CDH26: variants seen among roughly 807,000 people sequenced by gnomAD.
CDH26 encodes the protein cadherin 26.
In CDH26, 83 loss-of-function variants were observed where a neutral mutation model predicts 90.3. That is an observed-to-expected ratio of 0.92 (90% CI 0.77 to 1.10). The LOEUF is 1.10. Ranked by LOEUF, CDH26 falls within the 50% of genes least tolerant of loss-of-function variation. The pLI is 0.00. For synonymous variants in CDH26, 397 were observed against 396.3 expected (o/e 1.00, Z -0.02); for missense variants, 1,013 against 1,037.6 (o/e 0.98, Z 0.33).
At position 60,002,852 on chromosome 20, in the gene CDH26, A is replaced by G. The variant is rs766944746; in HGVS notation, c.2206A>G (p.Ile736Val). The change falls in exon 16 of 18, where the codon ATA becomes GTA. Residue 736 changes from isoleucine to valine, a missense_variant. By Grantham distance (29) the Ile-to-Val change is conservative. Coordinates refer to ENST00000348616, the MANE Select transcript of CDH26 (RefSeq NM_177980.4). ...CTTTGAGCCAAGAAGTGTGAAAAAC[A>G]TACACTCTACTCCTGTAAGTATAGA... The part of the protein sequence containing the change: ...KPFEPRSVKN[I>V]HSTPAYPDAT... 3 of 1,598,314 alleles carry G rather than the reference A, an allele frequency of 1.9e-6. No homozygotes were observed. In the East Asian group the frequency reaches 6.7e-5, roughly 36 times the overall value.
At chr20:59,991,024 C>T (rs370099169) in intron 9 of CDH26, among the ~76,000 whole-genome samples, 6 of 152,190 alleles carry the variant, frequency 3.9e-5, no homozygotes, top group African/African-American at 1.2e-4. Flanking sequence ...CACATGCTGC[C>T]ACGTCTGGCT....
At chr20:59,977,891 C>A (rs2061345737) in intron 4 of CDH26, among the ~76,000 whole-genome samples, 1 of 152,170 alleles carries the variant, frequency 6.6e-6, no homozygotes, top group Non-Finnish European at 1.5e-5. Context: ...AGTTTCACTG[C>A]TCTAAAACTC....
At chr20:59,961,992 TAATA>T (rs1418859267) in intron 1 of CDH26, among the ~76,000 whole-genome samples, 6 of 152,334 alleles carry the variant, frequency 3.9e-5, no homozygotes, top group African/African-American at 1.4e-4. Flanking sequence ...AGTTACATTT[TAATA>T]AATTGTTAGC....
At chr20:59,991,793 G>A (rs1199651420) in intron 9 of CDH26, among the ~76,000 whole-genome samples, 1 of 152,108 alleles carries the variant, frequency 6.6e-6, no homozygotes, top group Non-Finnish European at 1.5e-5. Flanking sequence ...AGCTGGGGTG[G>A]CAACCTGGCA....
In CDH26 at chr20:59,985,135, G is replaced by GCTCACGTT; in HGVS notation, c.837+9_837+10insACGTTCTC. 1 of 1,610,356 alleles carries GCTCACGTT rather than the reference G, an allele frequency of 6.2e-7. No individual in the cohort carries two copies. The highest frequency in any genetic ancestry group is 8.5e-7 in the Non-Finnish European group (1 of 1,179,508). ...CTGCATTTACCCAGGAGAACGTGAG[G>GCTCACGTT]CTCCTGGGCCGCCCCAACGTCTAAG... On this transcript the variant is annotated splice_region_variant and intron_variant, in intron 7 of 17. Coordinates refer to ENST00000348616, the MANE Select transcript of CDH26 (RefSeq NM_177980.4).
chr20:59,976,112 A>T (rs2061325679), intron 4 of CDH26, among the ~76,000 whole-genome samples: 1 of 152,180 alleles, frequency 6.6e-6, no homozygotes, highest in South Asian at 2.1e-4. Context: ...CACACAGTCT[A>T]ACCTATGCAG....
chr20:59,983,160 C>A, intron 5 of CDH26, 90 bp downstream of exon 5: 6 of 1,451,080 alleles, frequency 4.1e-6, no homozygotes, highest in Non-Finnish European at 5.6e-6. Context: ...TCCTAGTCAT[C>A]TTCAGGGAGA....
At chr20:59,981,875 C>T (rs569448943) in intron 4 of CDH26, among the ~76,000 whole-genome samples, 2 of 152,050 alleles carry the variant, frequency 1.3e-5, no homozygotes, top group African/African-American at 4.8e-5. Context: ...TCATTGAAGT[C>T]ATCTGGGCCT....
chr20:60,010,943 G>T (rs1445417980), intron 17 of CDH26, among the ~76,000 whole-genome samples: 2 of 152,156 alleles, frequency 1.3e-5, no homozygotes, highest in African/African-American at 4.8e-5. Context: ...AGGCTCTTGG[G>T]GAGGCTTTCA....
At chr20:59,995,004 G>A (rs2061575189) in intron 11 of CDH26, among the ~76,000 whole-genome samples, 1 of 152,218 alleles carries the variant, frequency 6.6e-6, no homozygotes, top group Non-Finnish European at 1.5e-5. Context: ...ATGCTGAGCA[G>A]GTTAAAAGCA....
At chr20:59,989,959 C>T (rs1012356088) in intron 9 of CDH26, among the ~76,000 whole-genome samples, 2 of 152,152 alleles carry the variant, frequency 1.3e-5, no homozygotes, top group African/African-American at 2.4e-5. Flanking sequence ...ACCATCACCT[C>T]CCTCCATCTC....
At chr20:59,962,499 T>C (rs1212636895) in intron 1 of CDH26, among the ~76,000 whole-genome samples, 1 of 152,150 alleles carries the variant, frequency 6.6e-6, no homozygotes, top group Non-Finnish European at 1.5e-5. Flanking sequence ...GCATCATCCC[T>C]TTGTGTCTGT....
chr20:59,997,451 G>A (rs194999), intron 13 of CDH26, among the ~76,000 whole-genome samples: 29,518 of 152,304 alleles, frequency 0.19, 7,291 homozygotes, highest in African/African-American at 0.58. Flanking sequence ...TTGTGGATCA[G>A]AGAGGATGCC....
intron 7 of CDH26, among the ~76,000 whole-genome samples, chr20:60,019,863 C>G (rs1479815102): frequency 2.0e-5 from 3 of 152,166 alleles, no homozygotes; most frequent in African/African-American, 7.2e-5. Flanking sequence ...TATGGAAAAA[C>G]TTATTCATAT....
downstream of CDH26, among the ~76,000 whole-genome samples, chr20:60,018,702 C>CTT (rs55994712): frequency 2.0e-3 from 36 of 17,810 alleles, 1 homozygote; most frequent in South Asian, 3.8e-3. Flanking sequence ...CTCTTACTGC[C>CTT]TTTTTTTTTT....
rs370611389 is a variant in CDH26, at chr20:59,989,053, C to T, written c.1173C>T (p.Asn391=). Residue 391 remains asparagine, a synonymous_variant, in exon 9 of 18, where the codon AAC becomes AAT. Coordinates refer to ENST00000348616, the MANE Select transcript of CDH26 (RefSeq NM_177980.4). ...TGAGTGTGCAGGTGACAGACGCCAA[C>T]GACCCACCAGCCTTTCACCCCCAGA... ...ATVSVQVTDA[N]DPPAFHPQSF... is the part of the protein sequence containing the mutation. 47 of 1,614,194 alleles carry T rather than the reference C, an allele frequency of 2.9e-5. No individual in the cohort carries two copies. The highest frequency in any genetic ancestry group is 2.2e-4 in the Admixed American group (13 of 60,020).
Position 59,996,698 on chromosome 20 carries a change from C to G in CDH26, c.1956C>G (p.Ser652=). ...CTAAGAGGCATGGATGCTCTGTATC[C>G]AATGATGAAGGCCACCAAACACTGG... ...LEPKRHGCSV[S]NDEGHQTLVM... Residue 652 remains serine (S), a synonymous_variant, in exon 13 of 18, where the codon TCC becomes TCG. Transcript: ENST00000348616. 6.2e-7 allele frequency: 1 copy of G among 1,614,194 alleles called. No individual in the cohort carries two copies. Among genetic ancestry groups the G allele is most frequent in the Non-Finnish European group, 8.5e-7 (1 of 1,180,038 alleles).
chr20:60,031,191 G>A, intron 7 of CDH26: 1 of 1,048,924 alleles, frequency 9.5e-7, no homozygotes, highest in Non-Finnish European at 1.2e-6. Context: ...AGCTTTCCAG[G>A]AGAACCTTCT....
At chr20:60,025,220 A>C (rs2146032984) in intron 7 of CDH26, among the ~76,000 whole-genome samples, 1 of 152,368 alleles carries the variant, frequency 6.6e-6, no homozygotes, top group Middle Eastern at 3.4e-3. Flanking sequence ...TGGCCTAAAA[A>C]ACAAACCAAT....
Sources: gnomAD v4.1 joint callset for allele counts (sites outside exome capture counted in the v4.1 genomes callset) on GRCh38, gnomAD v4.1.1 for gene constraint, MANE v1.5 for transcripts, NCBI Gene and HGNC (gene_info 2026-07-23, HGNC 2026-07-21) for gene names.